The following LRP1B variants were observed in gnomAD, a reference collection of about 807,000 sequenced individuals.
LRP1B encodes the protein low-density lipoprotein receptor-related protein 1B.
In LRP1B, 217 loss-of-function variants were observed where a neutral mutation model predicts 556.6. That is an observed-to-expected ratio of 0.39 (90% confidence interval 0.35 to 0.44). The LOEUF is 0.44. Among genes scored for constraint, LRP1B ranks in the 20% least tolerant of loss-of-function variants. The pLI is 1.00. For synonymous variants in LRP1B, 2,047 were observed against 1,865.8 expected, an observed-to-expected ratio of 1.10 and a Z score of -2.50; for missense variants, 5,053 against 5,620.8, an observed-to-expected ratio of 0.90 and a Z score of 3.23.
intron 10 of LRP1B, among the ~76,000 whole-genome samples, chr2:141,050,262 T>C (rs1478013200): frequency 1.3e-5 from 2 of 151,952 alleles, no homozygotes; most frequent in Non-Finnish European, 2.9e-5. Flanking sequence ...TTAACATTTA[T>C]ATTTCTTTTC....
intron 1 of LRP1B, among the ~76,000 whole-genome samples, chr2:141,845,548 G>C (rs1414335216): frequency 6.6e-6 from 1 of 151,862 alleles, no homozygotes; most frequent in African/African-American, 2.4e-5. Context: ...AGTTTAGGGG[G>C]ACTGCAGTGT....
intron 2 of LRP1B, among the ~76,000 whole-genome samples, chr2:141,491,305 A>G (rs1683326884): frequency 6.6e-6 from 1 of 152,176 alleles, no homozygotes. Context: ...CACATGTTCC[A>G]GTCATAATTT....
chr2:141,249,886 T>C (rs1180444224), intron 4 of LRP1B, among the ~76,000 whole-genome samples: 1 of 152,016 alleles, frequency 6.6e-6, no homozygotes, highest in Admixed American at 6.6e-5. Flanking sequence ...TGGAACTTGC[T>C]TTTTACTGAG....
chr2:140,380,957 G>A (rs1435775044), intron 67 of LRP1B, among the ~76,000 whole-genome samples: 4 of 152,060 alleles, frequency 2.6e-5, no homozygotes, highest in Non-Finnish European at 5.9e-5. Context: ...GCTTTTCCAG[G>A]GAAAGTGGAA....
intron 43 of LRP1B, among the ~76,000 whole-genome samples, chr2:140,597,175 G>C (rs488610): frequency 6.6e-6 from 1 of 151,896 alleles, no homozygotes; most frequent in East Asian, 1.9e-4. Context: ...TTCTAACTTC[G>C]GGGCCCAATC....
At chr2:140,739,186 G>A (rs1270037238) in intron 35 of LRP1B, among the ~76,000 whole-genome samples, 4 of 152,152 alleles carry the variant, frequency 2.6e-5, no homozygotes, top group African/African-American at 9.7e-5. Flanking sequence ...GGTATCTTTT[G>A]AGAAAGAGAT....
intron 1 of LRP1B, among the ~76,000 whole-genome samples, chr2:141,826,472 G>GC (rs971656403): frequency 8.3e-5 from 12 of 145,340 alleles, no homozygotes; most frequent in African/African-American, 2.3e-4. Context: ...CCATTCTCCT[G>GC]CCTCAGCCTC....
chr2:142,092,409 T>C (rs1383778679), intron 1 of LRP1B, among the ~76,000 whole-genome samples: 1 of 152,180 alleles, frequency 6.6e-6, no homozygotes, highest in Admixed American at 6.6e-5. Context: ...GACTACTTCA[T>C]GATAATTCCT....
chr2:140,650,938 A>T lies in LRP1B; in HGVS notation c.6800-49299T>A, dbSNP rs80305626. Among the ~76,000 whole-genome samples the T allele has an allele frequency of 5.4e-3, 818 of 152,224 alleles. 8 individuals are homozygous for T. Among genetic ancestry groups the T allele is most frequent in the African/African-American group, 0.019 (772 of 41,500 alleles). On this transcript the variant is annotated intron_variant, in intron 41 of 90. Coordinates refer to ENST00000389484, the MANE Select transcript of LRP1B (RefSeq NM_018557.3). ...GCAACTCTAATAGAATAAACATGTTAAAGTGAAAGATGGCATGTATTGTTT... is the reference window on the plus strand; with the variant it reads ...GCAACTCTAATAGAATAAACATGTTTAAGTGAAAGATGGCATGTATTGTTT...
intron 15 of LRP1B, 132 bp downstream of exon 15, chr2:141,005,202 TA>T: frequency 9.8e-7 from 1 of 1,019,364 alleles, no homozygotes; most frequent in Non-Finnish European, 1.4e-6. Context: ...ATTTATAGTC[TA>T]AAAAGAATTA....
At chr2:140,932,886 TACACAC>T (rs373649277) in intron 20 of LRP1B, among the ~76,000 whole-genome samples, 26 of 127,564 alleles carry the variant, frequency 2.0e-4, no homozygotes, top group African/African-American at 3.4e-4. Flanking sequence ...TCTCTCCCTA[TACACAC>T]ACACACACAC....
chr2:141,500,704 A>G (rs774469977), intron 2 of LRP1B, among the ~76,000 whole-genome samples: 6 of 152,184 alleles, frequency 3.9e-5, no homozygotes, highest in Non-Finnish European at 7.4e-5. Flanking sequence ...GGATTTCAAA[A>G]GAAAGCAGTT....
At chr2:141,956,532 A>T (rs1383817901) in intron 1 of LRP1B, among the ~76,000 whole-genome samples, 1 of 152,052 alleles carries the variant, frequency 6.6e-6, no homozygotes, top group African/African-American at 2.4e-5. Flanking sequence ...TCTGTGACTT[A>T]TATTTTCACT....
intron 2 of LRP1B, among the ~76,000 whole-genome samples, chr2:141,681,063 G>A (rs1483516321): frequency 1.3e-5 from 2 of 152,034 alleles, no homozygotes; most frequent in East Asian, 1.9e-4. Flanking sequence ...AGGCTGAGGT[G>A]GGTAGATTGC....
intron 27 of LRP1B, among the ~76,000 whole-genome samples, chr2:140,858,474 TATATATA>T (rs931783091): frequency 7.0e-6 from 1 of 142,418 alleles, no homozygotes; most frequent in Non-Finnish European, 1.5e-5. Flanking sequence ...AAAATTATTT[TATATATA>T]ATATATATTT....
rs754404689 is a variant in LRP1B, at chr2:140,502,981, G to A, written c.8644C>T (p.Pro2882Ser). The change falls in exon 54 of 91, where the codon CCA (proline) becomes TCA (serine). Residue 2882 changes from proline to serine, a missense_variant. Physicochemically the swap from Pro to Ser is moderately conservative, Grantham distance 74. This residue lies in a region of LRP1B where 3,619 missense variants were observed against 3,931.9 expected (regional missense o/e 0.92). Transcript: ENST00000389484. ...TCTGTACCTGCACTTTTACACTTTG[G>A]GTTTAAAGGTGCTTCATCAGAATGG... ...PDHSDEAPLNPKCKSAEQSCN... is the reference protein window; with the variant it reads ...PDHSDEAPLNSKCKSAEQSCN... 1.2e-6 allele frequency: 2 copies of A among 1,613,006 alleles called. No individual in the cohort carries two copies. Among genetic ancestry groups the A allele is most frequent in the Admixed American group, 3.3e-5 (2 of 59,950 alleles).
intron 1 of LRP1B, among the ~76,000 whole-genome samples, chr2:142,078,679 A>C (rs1327760428): frequency 6.6e-6 from 1 of 152,128 alleles, no homozygotes; most frequent in African/African-American, 2.4e-5. Context: ...CTCTATTCCT[A>C]TTACCCTTTA....
intron 1 of LRP1B, among the ~76,000 whole-genome samples, chr2:141,951,214 G>T (rs565791640): frequency 6.6e-6 from 1 of 151,456 alleles, no homozygotes; most frequent in East Asian, 1.9e-4. Context: ...CAATAGTTTT[G>T]GGGGTACATA....
chr2:140,360,839 C>A (rs1489897419), intron 72 of LRP1B, among the ~76,000 whole-genome samples: 1 of 151,544 alleles, frequency 6.6e-6, no homozygotes, highest in Non-Finnish European at 1.5e-5. Context: ...CTGTTGCTTG[C>A]TGTTAAGAAT....
Sources: gnomAD v4.1 joint callset for allele counts (sites outside exome capture counted in the v4.1 genomes callset) on GRCh38, gnomAD v4.1.1 for gene constraint, gnomAD v4.1.1 regional missense constraint, MANE v1.5 for transcripts, NCBI Gene and HGNC (gene_info 2026-07-23, HGNC 2026-07-21) for gene names.